The following THSD7A variants were observed in gnomAD, a reference collection of about 807,000 sequenced individuals.
THSD7A encodes thrombospondin type 1 domain containing 7A, also known as thrombospondin type-1 domain-containing protein 7A.
THSD7A carries 96 observed loss-of-function variants against 231.3 expected under a neutral mutation model. The observed-to-expected ratio is 0.41, with a 90% CI of 0.35 to 0.49. The LOEUF (loss-of-function observed/expected upper bound fraction) is 0.49. Among genes scored for constraint, THSD7A ranks in the 20% least tolerant of loss-of-function variants. The pLI, the probability that THSD7A is intolerant of heterozygous loss-of-function variation, is 0.05. For synonymous variants in THSD7A, 940 were observed against 743.3 expected (o/e 1.26, Z -4.30); for missense variants, 2,290 against 2,070.2 (o/e 1.11, Z -2.06).
intron 1 of THSD7A, among the ~76,000 whole-genome samples, chr7:11,744,688 C>T (rs564253558): frequency 9.8e-4 from 145 of 148,580 alleles, no homozygotes; most frequent in African/African-American, 3.0e-3. Flanking sequence ...TGAGAACATG[C>T]GGTGTTTGGT....
At chr7:11,704,927 T>C (rs552089475) in intron 1 of THSD7A, among the ~76,000 whole-genome samples, 31 of 151,238 alleles carry the variant, frequency 2.0e-4, no homozygotes, top group South Asian at 1.0e-3. Context: ...CAAAAATAAG[T>C]GTACCATCAG....
intron 4 of THSD7A, among the ~76,000 whole-genome samples, chr7:11,552,368 A>C (rs1158306261): frequency 1.3e-5 from 2 of 152,124 alleles, no homozygotes; most frequent in Middle Eastern, 3.2e-3. Flanking sequence ...AAGTAAAAAA[A>C]GGAAACAGGT....
At chr7:11,514,430 G>C (rs1292322429) in intron 6 of THSD7A, among the ~76,000 whole-genome samples, 1 of 152,048 alleles carries the variant, frequency 6.6e-6, no homozygotes, top group Non-Finnish European at 1.5e-5. Flanking sequence ...AAGTAAACAT[G>C]ATATGTTTAG....
At chr7:11,638,751 A>G (rs1270929887) in intron 1 of THSD7A, among the ~76,000 whole-genome samples, 2 of 152,142 alleles carry the variant, frequency 1.3e-5, no homozygotes, top group Non-Finnish European at 2.9e-5. Flanking sequence ...TCCTTGAAGT[A>G]TGAATGTTGA....
intron 1 of THSD7A, among the ~76,000 whole-genome samples, chr7:11,703,264 A>G (rs1478881452): frequency 6.6e-6 from 1 of 151,278 alleles, no homozygotes; most frequent in Non-Finnish European, 1.5e-5. Flanking sequence ...AATTTGCCTA[A>G]TAACAGACGT....
chr7:11,492,155 T>A (rs1786920332), intron 6 of THSD7A, among the ~76,000 whole-genome samples: 1 of 152,046 alleles, frequency 6.6e-6, no homozygotes, highest in South Asian at 2.1e-4. Context: ...GTCCATTTTC[T>A]ATCCTCTATT....
chr7:11,693,454 T>C (rs967788329), intron 1 of THSD7A, among the ~76,000 whole-genome samples: 36 of 151,720 alleles, frequency 2.4e-4, no homozygotes, highest in Non-Finnish European at 3.8e-4. Flanking sequence ...TCAGGAAGTT[T>C]AACTGACTTA....
chr7:11,758,730 AG>A (rs1464864833), intron 1 of THSD7A, among the ~76,000 whole-genome samples: 1 of 152,124 alleles, frequency 6.6e-6, no homozygotes, highest in African/African-American at 2.4e-5. Context: ...CTATCTTTAA[AG>A]GAATGGATGA....
chr7:11,435,861 G>A (rs1422443353), intron 13 of THSD7A, among the ~76,000 whole-genome samples: 1 of 152,012 alleles, frequency 6.6e-6, no homozygotes, highest in Non-Finnish European at 1.5e-5. Flanking sequence ...TCCCAAATTT[G>A]CAGCTGATAT....
chr7:11,510,163 G>T (rs146094187), intron 6 of THSD7A, among the ~76,000 whole-genome samples: 1 of 152,012 alleles, frequency 6.6e-6, no homozygotes. Flanking sequence ...ATCAGTCAAC[G>T]ACTGGATAAA....
chr7:11,649,312 A>G (rs1345732677), intron 1 of THSD7A, among the ~76,000 whole-genome samples: 1 of 152,044 alleles, frequency 6.6e-6, no homozygotes, highest in Non-Finnish European at 1.5e-5. Context: ...TATTTTGACC[A>G]TAAACTCATG....
At chr7:11,817,782 GAC>G (rs1291099187) in intron 1 of THSD7A, among the ~76,000 whole-genome samples, 1 of 152,092 alleles carries the variant, frequency 6.6e-6, no homozygotes, top group African/African-American at 2.4e-5. Context: ...CAAAATAAAA[GAC>G]AGAGATTAGA....
At chr7:11,778,354 G>A (rs1783507220) in intron 1 of THSD7A, among the ~76,000 whole-genome samples, 1 of 151,852 alleles carries the variant, frequency 6.6e-6, no homozygotes, top group African/African-American at 2.4e-5. Context: ...GCCATTAATT[G>A]TTTCTCGCCA....
At chr7:11,734,057 C>T (rs1781824697) in intron 1 of THSD7A, among the ~76,000 whole-genome samples, 1 of 151,892 alleles carries the variant, frequency 6.6e-6, no homozygotes, top group Admixed American at 6.6e-5. Context: ...CCCTTGGAGA[C>T]TCCCTTGAGT....
chr7:11,592,811 G>A (rs1780215928), intron 3 of THSD7A, among the ~76,000 whole-genome samples: 1 of 152,008 alleles, frequency 6.6e-6, no homozygotes, highest in African/African-American at 2.4e-5. Context: ...TTTACCTTGT[G>A]GAATGGAGGT....
chr7:11,530,504 G>T (rs143220973), intron 6 of THSD7A, among the ~76,000 whole-genome samples: 72 of 152,246 alleles, frequency 4.7e-4, no homozygotes, highest in Middle Eastern at 3.4e-3. Context: ...AAATAATTAC[G>T]ACATGATACC....
chr7:11,409,720 T>C (rs1465164097), intron 19 of THSD7A, among the ~76,000 whole-genome samples: 1 of 152,122 alleles, frequency 6.6e-6, no homozygotes, highest in Non-Finnish European at 1.5e-5. Context: ...AGCCAGTATA[T>C]GACCATTATC....
At chr7:11,551,303 A>T (rs561166051) in intron 4 of THSD7A, among the ~76,000 whole-genome samples, 1 of 152,106 alleles carries the variant, frequency 6.6e-6, no homozygotes, top group Admixed American at 6.6e-5. Context: ...CATGACGAAG[A>T]CCCCAAAATC....
In THSD7A at chr7:11,407,392, G is replaced by A. The variant is rs142233480; in HGVS notation, c.3830C>T (p.Thr1277Met). ...LGLEKNWQMNTSCMVECPVNC... is the reference protein window; with the variant it reads ...LGLEKNWQMNMSCMVECPVNC... The stretch of plus-strand genomic sequence containing the variant: ...CACAGGGCATTCCACCATGCAGGAC[G>A]TGTTCATCTGCCAGTTCTTCTCCAA... The change falls in exon 20 of 28, where the codon ACG (threonine) becomes ATG (methionine). Residue 1277 changes from threonine to methionine, a missense_variant. Physicochemically the swap from Thr to Met is moderately conservative, Grantham distance 81. Transcript: ENST00000423059. 61 of 1,613,382 alleles carry A rather than the reference G, an allele frequency of 3.8e-5. No homozygotes were observed. The highest frequency in any genetic ancestry group is 1.2e-4 in the Admixed American group (7 of 59,952).
Sources: gnomAD v4.1 joint callset for allele counts (sites outside exome capture counted in the v4.1 genomes callset) on GRCh38, gnomAD v4.1.1 for gene constraint, MANE v1.5 for transcripts, NCBI Gene and HGNC (gene_info 2026-07-23, HGNC 2026-07-21) for gene names.